The following GRHL2 variants were observed in gnomAD, a reference collection of about 807,000 sequenced individuals.
GRHL2 encodes the protein grainyhead-like protein 2 homolog.
A neutral mutation model predicts 83.8 loss-of-function variants in GRHL2; 21 were observed. The observed-to-expected ratio is 0.25, with a 90% CI of 0.18 to 0.36. GRHL2 has a LOEUF of 0.36. Among genes scored for constraint, GRHL2 ranks in the 10% least tolerant of loss-of-function variants. The probability of loss-of-function intolerance (pLI) is 1.00; values close to 1 mark genes in which losing one functional copy is unlikely to be tolerated. For synonymous variants in GRHL2, 280 were observed against 278.9 expected (o/e 1.00, Z -0.04); for missense variants, 623 against 781.8 (o/e 0.80, Z 2.42).
At chr8:101,540,667 A>G (rs1382425172) in intron 1 of GRHL2, among the ~76,000 whole-genome samples, 1 of 152,174 alleles carries the variant, frequency 6.6e-6, no homozygotes, top group Non-Finnish European at 1.5e-5. Flanking sequence ...CAGCACACAA[A>G]GGGCCCTTGA....
intron 5 of GRHL2, 142 bp from the exon 6 acceptor site, chr8:101,573,526 C>A: frequency 1.1e-6 from 1 of 950,124 alleles, no homozygotes. Flanking sequence ...CTGGTCTCAT[C>A]TCTTTTGCCA....
rs529394392 is a variant in GRHL2, at chr8:101,647,977, GTCGC to G, written c.1613-1435_1613-1432del. 2.0e-5 allele frequency among the ~76,000 whole-genome samples: 3 copies of G among 152,266 alleles called. No homozygotes were observed. In the South Asian group the frequency reaches 6.2e-4, roughly 32 times the overall value. On this transcript the variant is annotated intron_variant, in intron 13 of 15. Coordinates refer to ENST00000646743, the MANE Select transcript of GRHL2 (RefSeq NM_024915.4). ...TTGATGGCTCTGTTGGTGTCTGAGTGTCGCTGGTACCCAGAGTTGGCAGGGTTTT... is the reference window on the plus strand; with the variant it reads ...TTGATGGCTCTGTTGGTGTCTGAGTGTGGTACCCAGAGTTGGCAGGGTTTT...
intron 1 of GRHL2, among the ~76,000 whole-genome samples, chr8:101,534,737 A>T (rs529479317): frequency 7.2e-5 from 11 of 152,168 alleles, no homozygotes; most frequent in Non-Finnish European, 1.0e-4. Flanking sequence ...AATAGAACCA[A>T]TGGGATTTTC....
intron 13 of GRHL2, 32 bp from the exon 14 acceptor site, chr8:101,649,382 G>A (rs372934429): frequency 3.8e-5 from 59 of 1,563,258 alleles, no homozygotes; most frequent in Admixed American, 5.0e-5. Flanking sequence ...GCAGCCCCTC[G>A]GTCACGTGGC....
At chr8:101,677,197 A>ATTGTTATT in the GRHL2 span, among the ~76,000 whole-genome samples, 2 of 143,428 alleles carry the variant, frequency 1.4e-5, no homozygotes, top group Non-Finnish European at 3.0e-5. Flanking sequence ...ATGTACCCTA[A>ATTGTTATT]AACTTAAATA....
chr8:101,509,209 TTGTGTGTGTGTG>T (rs59898617), intron 1 of GRHL2, among the ~76,000 whole-genome samples: 9 of 53,740 alleles, frequency 1.7e-4, no homozygotes, highest in African/African-American at 3.6e-4. Flanking sequence ...TTCTTTCTTC[TTGTGTGTGTGTG>T]TGTGTGTGTG....
chr8:101,565,942 A>C (rs1013830567), intron 4 of GRHL2, among the ~76,000 whole-genome samples: 4 of 152,258 alleles, frequency 2.6e-5, no homozygotes, highest in African/African-American at 9.6e-5. Context: ...ATGTATGATC[A>C]TTAGTCCATT....
At chr8:101,677,309 C>T in the GRHL2 span, among the ~76,000 whole-genome samples, 4 of 151,982 alleles carry the variant, frequency 2.6e-5, no homozygotes, top group Non-Finnish European at 5.9e-5. Flanking sequence ...GAGGAAAGAA[C>T]TTGATGTCTG....
rs553249046 is a variant in GRHL2 at position 101,645,116 on chromosome 8, A to ATTTT, written c.1612+925_1612+928dup. On this transcript the variant is annotated intron_variant, in intron 13 of 15. Coordinates refer to ENST00000646743, the MANE Select transcript of GRHL2 (RefSeq NM_024915.4). ...TGCCTCAGTCTGCCAGCAGTACAGAATTTTTTTTTTTTTTTTTTTTTTTTT... is the reference window on the plus strand; with the variant it reads ...TGCCTCAGTCTGCCAGCAGTACAGAATTTTTTTTTTTTTTTTTTTTTTTTTTTTT... Among the ~76,000 whole-genome samples, 23 of 117,356 alleles carry ATTTT rather than the reference A, an allele frequency of 2.0e-4. 1 individual carries two copies. Among genetic ancestry groups the ATTTT allele is most frequent in the Admixed American group, 3.6e-4 (4 of 11,132 alleles). The allele number at this position is 117,356 out of a possible 152,430, so 77.0% of individuals were successfully genotyped here.
rs3735715 is a variant in GRHL2, at chr8:101,667,681, G to T, written c.*978G>T. The T allele has an allele frequency of 6.6e-6, 1 of 152,242 alleles. No individual in the cohort carries two copies. 9.4% of individuals were successfully genotyped at this position (152,242 alleles called of 1,614,324 possible). A position where few individuals can be genotyped will look rare whatever the true frequency, so the allele number is the denominator to read the frequency against. On this transcript the variant is annotated 3_prime_UTR_variant, in exon 16 of 16. Transcript: ENST00000646743. ...CTTGACTTTCCCTTTGCGCTGTCTC[G>T]TGGGAAAGGTCATTCTGTCTGAGAC...
In GRHL2 at chr8:101,668,160, A is replaced by G. The variant is rs1814117820; in HGVS notation, c.*1457A>G. On this transcript the variant is annotated 3_prime_UTR_variant, in exon 16 of 16. Coordinates refer to ENST00000646743, the MANE Select transcript of GRHL2 (RefSeq NM_024915.4). ...GAAAAACACTCCCCTAAACAATCGC[A>G]AAATGATGAACCATCATGGGCCACT... 6.6e-6 allele frequency: 1 copy of G among 152,590 alleles called. No homozygotes were observed. Among genetic ancestry groups the G allele is most frequent in the African/African-American group, 2.4e-5 (1 of 41,452 alleles). The allele number at this position is 152,590 out of a possible 1,614,324, so 9.5% of individuals were successfully genotyped here. A position where few individuals can be genotyped will look rare whatever the true frequency, so the allele number is the denominator to read the frequency against.
chr8:101,532,974 T>G (rs189767050), intron 1 of GRHL2, among the ~76,000 whole-genome samples: 1 of 152,226 alleles, frequency 6.6e-6, no homozygotes, highest in Non-Finnish European at 1.5e-5. Flanking sequence ...TTGCCCCAAG[T>G]CAAGTCAGTT....
intron 13 of GRHL2, among the ~76,000 whole-genome samples, chr8:101,647,370 AAG>A (rs1324035840): frequency 1.7e-4 from 26 of 151,552 alleles, no homozygotes; most frequent in African/African-American, 6.1e-4. Flanking sequence ...CTCAAAGAAA[AAG>A]AATATAGTTT....
chr8:101,494,971 T>C (rs1442761384), intron 1 of GRHL2, among the ~76,000 whole-genome samples: 3 of 152,218 alleles, frequency 2.0e-5, no homozygotes, highest in Non-Finnish European at 4.4e-5. Context: ...CTGGTTTGTT[T>C]CTCTCTCATT....
intron 1 of GRHL2, among the ~76,000 whole-genome samples, chr8:101,515,729 C>T (rs754278047): frequency 1.3e-5 from 2 of 152,192 alleles, no homozygotes; most frequent in Non-Finnish European, 2.9e-5. Context: ...CTTCCTCTTC[C>T]CTTCCTCTCT....
intron 8 of GRHL2, among the ~76,000 whole-genome samples, chr8:101,603,454 A>G (rs758318028): frequency 6.6e-6 from 1 of 152,232 alleles, no homozygotes; most frequent in Non-Finnish European, 1.5e-5. Context: ...TTCATTGCTG[A>G]CTTACATTTT....
chr8:101,587,750 A>C (rs1197311094), intron 7 of GRHL2, among the ~76,000 whole-genome samples: 4 of 152,142 alleles, frequency 2.6e-5, no homozygotes, highest in Non-Finnish European at 5.9e-5. Flanking sequence ...ACCAAAAAAA[A>C]ACCTAGAGAT....
intron 8 of GRHL2, among the ~76,000 whole-genome samples, chr8:101,604,182 T>A (rs114582596): frequency 0.016 from 2,419 of 152,232 alleles, 70 homozygotes; most frequent in African/African-American, 0.055. Context: ...AAGAATTTTT[T>A]AATTTTCTTT....
chr8:101,492,694 C>G lies in GRHL2; in HGVS notation c.-76C>G. On this transcript the variant is annotated 5_prime_UTR_variant, in exon 1 of 16. Coordinates refer to ENST00000646743, the MANE Select transcript of GRHL2 (RefSeq NM_024915.4). ...CTCGGGCGCTCTCACACACCTTCAC[C>G]TGCACAGACTTGAAAGTCCAGTTTC... is the stretch of plus-strand genomic sequence containing the variant. The G allele has an allele frequency of 7.5e-7, 1 of 1,341,380 alleles. No individual in the cohort carries two copies. Among genetic ancestry groups the G allele is most frequent in the Non-Finnish European group, 1.1e-6 (1 of 930,644 alleles). 83.1% of individuals were successfully genotyped at this position (1,341,380 alleles called of 1,614,324 possible). A position where few individuals can be genotyped will look rare whatever the true frequency, so the allele number is the denominator to read the frequency against.
Sources: gnomAD v4.1 joint callset for allele counts (sites outside exome capture counted in the v4.1 genomes callset) on GRCh38, gnomAD v4.1.1 for gene constraint, MANE v1.5 for transcripts, NCBI Gene and HGNC (gene_info 2026-07-23, HGNC 2026-07-21) for gene names.